Variants in SCP2 observed in about 807,000 individuals in gnomAD.
The protein encoded by SCP2 is sterol carrier protein 2, also known as SCP-2/3-oxoacyl-CoA thiolase.
In SCP2, 48 loss-of-function variants were observed where a neutral mutation model predicts 71.4. The observed-to-expected ratio is 0.67, with a 90% CI of 0.53 to 0.86. SCP2 has a LOEUF of 0.86. SCP2 is among the 40% of genes least tolerant of loss of function. The pLI is 0.00. For synonymous variants in SCP2, 220 were observed against 218.1 expected (o/e 1.01, Z -0.08); for missense variants, 560 against 655.6 (o/e 0.85, Z 1.59).
intron 11 of SCP2, chr1:52,993,941 A>G (rs1049736075): frequency 7.4e-7 from 1 of 1,354,676 alleles, no homozygotes; most frequent in African/African-American, 1.5e-5. Flanking sequence ...ATCGGTAGCC[A>G]TCAATTGCAG....
chr1:53,044,145 GCTCCTGGGTTCAAGCGATT>G (rs1243069591), intron 14 of SCP2, among the ~76,000 whole-genome samples: 2 of 151,614 alleles, frequency 1.3e-5, no homozygotes, highest in Non-Finnish European at 2.9e-5. Context: ...TGCAACCTCT[GCTCCTGGGTTCAAGCGATT>G]CTCCTGCCTC....
At chr1:53,041,177 G>A (rs61769109) in intron 14 of SCP2, among the ~76,000 whole-genome samples, 1,789 of 152,206 alleles carry the variant, frequency 0.012, 18 homozygotes, top group Middle Eastern at 0.024. Context: ...GCCGAGGCGG[G>A]CGGATTACGA....
At chr1:53,011,617 A>G (rs952369717) in intron 11 of SCP2, among the ~76,000 whole-genome samples, 2 of 152,262 alleles carry the variant, frequency 1.3e-5, no homozygotes, top group African/African-American at 2.4e-5. Context: ...TTGGAAGTAC[A>G]GGTGGCTTGG....
At chr1:52,989,952 CA>C (rs1356444581) in intron 11 of SCP2, among the ~76,000 whole-genome samples, 1 of 152,100 alleles carries the variant, frequency 6.6e-6, no homozygotes, top group Non-Finnish European at 1.5e-5. Context: ...GGGCTCTGCA[CA>C]AGCAAAAGGC....
At chr1:52,950,399 C>CTCAT (rs1213394724) in intron 3 of SCP2, among the ~76,000 whole-genome samples, 1 of 152,208 alleles carries the variant, frequency 6.6e-6, no homozygotes, top group Admixed American at 6.5e-5. Context: ...GGATTACAGG[C>CTCAT]ATGAGCCACC....
chr1:52,928,392 T>G (rs1652739215), intron 1 of SCP2, among the ~76,000 whole-genome samples: 1 of 152,244 alleles, frequency 6.6e-6, no homozygotes, highest in Non-Finnish European at 1.5e-5. Context: ...GGATATGCTT[T>G]GTGAAAGAGT....
intron 12 of SCP2, among the ~76,000 whole-genome samples, chr1:53,016,048 T>A (rs560283082): frequency 1.2e-4 from 18 of 151,290 alleles, no homozygotes; most frequent in Non-Finnish European, 1.9e-4. Flanking sequence ...TCTTTTTTTT[T>A]ATTATTATAC....
chr1:52,950,431 AT>A (rs1232158661), intron 3 of SCP2, among the ~76,000 whole-genome samples: 1 of 151,946 alleles, frequency 6.6e-6, no homozygotes, highest in African/African-American at 2.4e-5. Context: ...AGGTTTAAAG[AT>A]TTTTTTCTGA....
intron 14 of SCP2, among the ~76,000 whole-genome samples, chr1:53,039,448 A>C (rs772866733): frequency 2.0e-5 from 3 of 152,242 alleles, no homozygotes; most frequent in Non-Finnish European, 4.4e-5. Context: ...GGTCCAGTGC[A>C]TGGCTGGTGG....
intron 4 of SCP2, among the ~76,000 whole-genome samples, chr1:52,951,960 G>A (rs1655358998): frequency 6.6e-6 from 1 of 152,012 alleles, no homozygotes; most frequent in African/African-American, 2.4e-5. Context: ...CTCAAGTGAT[G>A]TGCTCACCTT....
At chr1:52,937,012 G>GA (rs34572831) in intron 1 of SCP2, among the ~76,000 whole-genome samples, 1 of 151,952 alleles carries the variant, frequency 6.6e-6, no homozygotes, top group Non-Finnish European at 1.5e-5. Context: ...CCCAGCAGTT[G>GA]AAAAAAATGT....
At chr1:52,963,323 T>C (rs1487199839) in intron 6 of SCP2, among the ~76,000 whole-genome samples, 2 of 152,168 alleles carry the variant, frequency 1.3e-5, no homozygotes, top group Non-Finnish European at 2.9e-5. Context: ...TACCTTGATA[T>C]ACACAGCCAA....
chr1:53,050,464 T>C, intron 15 of SCP2, 145 bp from the exon 16 acceptor site: 1 of 624,830 alleles, frequency 1.6e-6, no homozygotes, highest in South Asian at 1.8e-5. Flanking sequence ...TGGTTCCAAA[T>C]CTATTCCAGA....
intron 1 of SCP2, among the ~76,000 whole-genome samples, chr1:52,939,262 T>C (rs557996467): frequency 6.6e-6 from 1 of 152,322 alleles, no homozygotes; most frequent in African/African-American, 2.4e-5. Flanking sequence ...AACATCTGTG[T>C]GGTTCCATCA....
chr1:53,035,496 C>T (rs1475891288), intron 13 of SCP2, among the ~76,000 whole-genome samples: 2 of 152,054 alleles, frequency 1.3e-5, no homozygotes, highest in Non-Finnish European at 2.9e-5. Flanking sequence ...TACCTCTCTC[C>T]TAAACAGATC....
chr1:52,936,817 T>C (rs1239775604), intron 1 of SCP2, among the ~76,000 whole-genome samples: 1 of 151,816 alleles, frequency 6.6e-6, no homozygotes, highest in African/African-American at 2.4e-5. Flanking sequence ...AGAGTGGGGA[T>C]TGAGATTGCT....
At chr1:52,975,502 T>A (rs1013357247) in intron 7 of SCP2, among the ~76,000 whole-genome samples, 1 of 151,918 alleles carries the variant, frequency 6.6e-6, no homozygotes, top group Non-Finnish European at 1.5e-5. Context: ...AGACGAGCTT[T>A]TGCCATGTTG....
chr1:53,013,882 CTTTTTTTTTTTTTTTTTTTTT>C (rs71044449), intron 11 of SCP2, among the ~76,000 whole-genome samples: 5 of 63,056 alleles, frequency 7.9e-5, no homozygotes, highest in Admixed American at 4.7e-4. Flanking sequence ...ATAGAACATT[CTTTTTTTTTTTTTTTTTTTTT>C]TTTTTTTTTT....
At chr1:53,039,592 T>C (rs2150264511) in intron 14 of SCP2, among the ~76,000 whole-genome samples, 1 of 152,322 alleles carries the variant, frequency 6.6e-6, no homozygotes, top group South Asian at 2.1e-4. Flanking sequence ...GACTACCACA[T>C]TGCTAAATTC....
Sources: allele counts gnomAD v4.1 joint callset (sites outside exome capture counted in the v4.1 genomes callset), GRCh38; gene constraint gnomAD v4.1.1; transcripts MANE v1.5; gene names NCBI Gene and HGNC (gene_info 2026-07-23, HGNC 2026-07-21).